Variants in CDC123 observed in about 807,000 individuals in gnomAD.
CDC123 encodes the protein cell division cycle 123, also known as translation initiation factor eIF2 assembly protein.
A neutral mutation model predicts 54.4 loss-of-function variants in CDC123; 37 were observed. The observed-to-expected ratio is 0.68, with a 90% CI of 0.52 to 0.89. CDC123 has a LOEUF of 0.89. Among genes scored for constraint, CDC123 ranks in the 40% least tolerant of loss-of-function variants. CDC123 has a pLI of 0.00. For missense variants in CDC123, 361 were observed against 412.1 expected, an observed-to-expected ratio of 0.88 and a Z score of 1.07; for synonymous variants, 144 against 136.8, an observed-to-expected ratio of 1.05 and a Z score of -0.37.
chr10:12,233,825 C>G (rs1294362044), intron 7 of CDC123, among the ~76,000 whole-genome samples: 3 of 151,562 alleles, frequency 2.0e-5, no homozygotes, highest in Non-Finnish European at 4.4e-5. Flanking sequence ...GAGTGCCCAC[C>G]TGAAATTTTC....
chr10:12,237,397 TTTG>T (rs1835992821), intron 9 of CDC123, 131 bp downstream of exon 9: 2 of 650,574 alleles, frequency 3.1e-6, no homozygotes, highest in Admixed American at 4.5e-5. Context: ...TATATTATTA[TTTG>T]TTATTTTTGA....
intron 8 of CDC123, among the ~76,000 whole-genome samples, chr10:12,235,612 A>G (rs1222876290): frequency 1.3e-5 from 2 of 152,170 alleles, no homozygotes. Flanking sequence ...TCTGTTTGCT[A>G]TGATTGATTT....
At chr10:12,226,664 C>T (rs1039131906) in intron 6 of CDC123, among the ~76,000 whole-genome samples, 20 of 140,848 alleles carry the variant, frequency 1.4e-4, no homozygotes, top group African/African-American at 3.9e-4. Flanking sequence ...CGATGGGCTG[C>T]GGGGCAGAGG....
intron 6 of CDC123, among the ~76,000 whole-genome samples, chr10:12,226,109 A>C (rs900786990): frequency 1.3e-5 from 2 of 152,192 alleles, no homozygotes; most frequent in African/African-American, 4.8e-5. Flanking sequence ...ATCCCAAGGC[A>C]GAAGAATTTT....
At chr10:12,212,817 G>T (rs1011701126) in intron 4 of CDC123, among the ~76,000 whole-genome samples, 3 of 152,188 alleles carry the variant, frequency 2.0e-5, no homozygotes, top group Admixed American at 6.5e-5. Context: ...AATGACTTTT[G>T]TGTTTAGATT....
intron 10 of CDC123, chr10:12,244,632 T>C (rs1836104723): frequency 7.2e-6 from 1 of 139,502 alleles, no homozygotes. Flanking sequence ...GGGGTGGTTT[T>C]TTTTTTTTCT....
In CDC123 at chr10:12,228,055, C is replaced by T. The variant is rs565726499; in HGVS notation, c.441-2893C>T. 1.1e-4 allele frequency among the ~76,000 whole-genome samples: 16 copies of T among 152,214 alleles called. 1 individual carries two copies. The East Asian group carries it at 3.1e-3, about 29-fold the overall frequency. ...AGCTCAAGTGATCTTCCCGCCTCAG[C>T]CTTCTGAGTAGCTGGGATGACAGGC... On this transcript the variant is annotated intron_variant, in intron 6 of 12. Coordinates refer to ENST00000281141, the MANE Select transcript of CDC123 (RefSeq NM_006023.3).
intron 6 of CDC123, among the ~76,000 whole-genome samples, chr10:12,226,399 G>A (rs1835815105): frequency 6.6e-6 from 1 of 151,202 alleles, no homozygotes; most frequent in Admixed American, 6.6e-5. Flanking sequence ...GCCGGGTGGG[G>A]GCTCTCCCCC....
At chr10:12,230,823 G>T in intron 6 of CDC123, 125 bp from the exon 7 acceptor site, 1 of 858,330 alleles carries the variant, frequency 1.2e-6, no homozygotes, top group Non-Finnish European at 1.9e-6. Context: ...TCGAATTTGA[G>T]TTAGTCTCCT....
intron 6 of CDC123, among the ~76,000 whole-genome samples, chr10:12,219,331 A>AGT (rs1161572714): frequency 2.2e-4 from 33 of 151,990 alleles, no homozygotes; most frequent in African/African-American, 7.2e-4. Flanking sequence ...TATAGAAAAA[A>AGT]GTGTGTGTGT....
At chr10:12,222,694 C>T (rs965983087) in intron 6 of CDC123, among the ~76,000 whole-genome samples, 5 of 152,024 alleles carry the variant, frequency 3.3e-5, no homozygotes, top group Non-Finnish European at 5.9e-5. Context: ...CTGAGGGGCT[C>T]ATGATGAAGG....
chr10:12,210,384 A>C (rs1835581452), intron 4 of CDC123, 62 bp downstream of exon 4: 1 of 1,596,622 alleles, frequency 6.3e-7, no homozygotes, highest in Non-Finnish European at 8.5e-7. Context: ...GGTTAGCGTC[A>C]AGGTTTAAGT....
intron 6 of CDC123, among the ~76,000 whole-genome samples, chr10:12,218,091 AAAAC>A (rs200079077): frequency 0.028 from 4,316 of 152,210 alleles, 200 homozygotes; most frequent in African/African-American, 0.099. Context: ...ACTCCATCTC[AAAAC>A]AAACAAAAAC....
At chr10:12,246,387 CAG>C (rs1472361045) in intron 11 of CDC123, 110 bp downstream of exon 11, 1 of 1,239,840 alleles carries the variant, frequency 8.1e-7, no homozygotes, top group African/African-American at 1.5e-5. Flanking sequence ...TTGGGAAGCG[CAG>C]AGTGTAACAC....
intron 7 of CDC123, among the ~76,000 whole-genome samples, chr10:12,234,177 C>G (rs1328527775): frequency 1.3e-5 from 2 of 152,208 alleles, no homozygotes; most frequent in South Asian, 4.1e-4. Flanking sequence ...TCACTGCAAC[C>G]TCCGCTTCCT....
chr10:12,228,047 C>T (rs756275038), intron 6 of CDC123, among the ~76,000 whole-genome samples: 2 of 152,050 alleles, frequency 1.3e-5, no homozygotes, highest in Non-Finnish European at 1.5e-5. Flanking sequence ...GTGATCTTCC[C>T]GCCTCAGCCT....
chr10:12,198,288 C>G (rs1387497881), intron 1 of CDC123, among the ~76,000 whole-genome samples: 1 of 152,316 alleles, frequency 6.6e-6, no homozygotes, highest in South Asian at 2.1e-4. Flanking sequence ...CAGATCTTGA[C>G]TCTACTTCTG....
rs376983285 is a variant in CDC123, at chr10:12,237,239, A to G, written c.661A>G (p.Ile221Val). 3.8e-6 allele frequency: 6 copies of G among 1,576,970 alleles called. No homozygotes were observed. The highest frequency in any genetic ancestry group is 1.4e-5 in the African/African-American group (1 of 72,756). ...CATACAAGACTTTTTCAAGAAACACATACAGTACAAATTCTTAGATGAAGA... is the reference window on the plus strand; with the variant it reads ...CATACAAGACTTTTTCAAGAAACACGTACAGTACAAATTCTTAGATGAAGA... ...RCIQDFFKKH[I>V]QYKFLDEDFV... is the part of the protein sequence containing the mutation. The change falls in exon 9 of 13, where the codon ATA (isoleucine) becomes GTA (valine). Residue 221 changes from isoleucine to valine, a missense_variant. Physicochemically the swap from Ile to Val is conservative, Grantham distance 29. Coordinates refer to ENST00000281141, the MANE Select transcript of CDC123 (RefSeq NM_006023.3).
intron 2 of CDC123, among the ~76,000 whole-genome samples, chr10:12,202,320 T>G (rs1008799986): frequency 6.6e-6 from 1 of 152,190 alleles, no homozygotes; most frequent in Non-Finnish European, 1.5e-5. Flanking sequence ...TGGAGTTATA[T>G]AGTATGTATT....
Sources: allele counts gnomAD v4.1 joint callset (sites outside exome capture counted in the v4.1 genomes callset), GRCh38; gene constraint gnomAD v4.1.1; transcripts MANE v1.5; gene names NCBI Gene and HGNC (gene_info 2026-07-23, HGNC 2026-07-21).